Variants in XKR9 observed in about 807,000 individuals in gnomAD.
XKR9 encodes the protein XK related 9.
In XKR9, 32 loss-of-function variants were observed where a neutral mutation model predicts 32.0. That is an observed-to-expected ratio of 1.00 (90% CI 0.76 to 1.34). XKR9 has a LOEUF of 1.34. XKR9 is among the 40% of genes most tolerant of loss of function. The pLI, the probability that XKR9 is intolerant of heterozygous loss-of-function variation, is 0.00. For synonymous variants in XKR9, 168 were observed against 143.4 expected, an observed-to-expected ratio of 1.17 and a Z score of -1.22; for missense variants, 546 against 429.7, an observed-to-expected ratio of 1.27 and a Z score of -2.39.
the XKR9 span, among the ~76,000 whole-genome samples, chr8:70,935,886 CA>C: frequency 3.9e-5 from 6 of 151,986 alleles, no homozygotes; most frequent in African/African-American, 1.4e-4. Flanking sequence ...CCCCATGTTC[CA>C]AATTACATTT....
chr8:71,064,447 A>G, the XKR9 span, among the ~76,000 whole-genome samples: 1 of 152,210 alleles, frequency 6.6e-6, no homozygotes, highest in African/African-American at 2.4e-5. Context: ...ATCATTGTCA[A>G]CAGACAATAG....
the XKR9 span, among the ~76,000 whole-genome samples, chr8:70,966,611 G>A: frequency 1.3e-5 from 2 of 152,164 alleles, no homozygotes; most frequent in African/African-American, 2.4e-5. Context: ...TTTGGGTGGA[G>A]ATTTTTGTAG....
intron 2 of XKR9, among the ~76,000 whole-genome samples, chr8:70,755,609 G>A (rs1387300408): frequency 6.6e-6 from 1 of 151,966 alleles, no homozygotes; most frequent in Non-Finnish European, 1.5e-5. Context: ...GTCCTTTGTA[G>A]GGACATGGAT....
At chr8:70,715,654 A>T (rs1355347107) in intron 4 of XKR9, among the ~76,000 whole-genome samples, 1 of 152,176 alleles carries the variant, frequency 6.6e-6, no homozygotes, top group Admixed American at 6.5e-5. Flanking sequence ...AATAGCTCAC[A>T]TCAAGCACAT....
chr8:70,991,058 AT>A, the XKR9 span, among the ~76,000 whole-genome samples: 2 of 152,058 alleles, frequency 1.3e-5, no homozygotes, highest in Admixed American at 6.5e-5. Context: ...AGTGATCCTT[AT>A]TTTCCCCCAA....
chr8:70,789,880 G>A (rs534893932), intron 3 of XKR9, among the ~76,000 whole-genome samples: 2 of 152,042 alleles, frequency 1.3e-5, no homozygotes, highest in African/African-American at 4.8e-5. Flanking sequence ...CAATGCCAAT[G>A]CCAATCATAC....
At chr8:70,881,523 A>C in the XKR9 span, among the ~76,000 whole-genome samples, 1 of 152,230 alleles carries the variant, frequency 6.6e-6, no homozygotes, top group South Asian at 2.1e-4. Context: ...AATGCTCATC[A>C]TCACTTGTCA....
intron 2 of XKR9, among the ~76,000 whole-genome samples, chr8:70,761,965 C>G (rs1807315356): frequency 6.6e-6 from 1 of 151,980 alleles, no homozygotes; most frequent in African/African-American, 2.4e-5. Context: ...ATCCTTTCCC[C>G]TTTGCTTGTT....
chr8:70,820,597 G>A, the XKR9 span, among the ~76,000 whole-genome samples: 1 of 152,168 alleles, frequency 6.6e-6, no homozygotes, highest in East Asian at 1.9e-4. Context: ...TGTTTGGAAA[G>A]GAAAGAGGTT....
At chr8:71,053,505 A>T in the XKR9 span, among the ~76,000 whole-genome samples, 1 of 152,258 alleles carries the variant, frequency 6.6e-6, no homozygotes, top group African/African-American at 2.4e-5. Flanking sequence ...AGAAGATCAT[A>T]TAAATGCCGC....
chr8:70,737,117 A>G (rs948632716), downstream of XKR9, among the ~76,000 whole-genome samples: 11 of 149,976 alleles, frequency 7.3e-5, no homozygotes, highest in Non-Finnish European at 1.2e-4. Context: ...ATGTTCTTCC[A>G]TTTGTTTGTA....
At chr8:70,729,178 C>T (rs1049970281) in intron 4 of XKR9, among the ~76,000 whole-genome samples, 1 of 152,068 alleles carries the variant, frequency 6.6e-6, no homozygotes, top group Non-Finnish European at 1.5e-5. Context: ...CAAAAGAAAA[C>T]AGATTCTTAT....
At chr8:70,927,382 C>T in the XKR9 span, among the ~76,000 whole-genome samples, 3 of 152,064 alleles carry the variant, frequency 2.0e-5, no homozygotes, top group Non-Finnish European at 4.4e-5. Flanking sequence ...CTTGTCTCTA[C>T]CTGTTTTAGT....
intron 2 of XKR9, among the ~76,000 whole-genome samples, chr8:70,744,293 A>G (rs1335496837): frequency 6.8e-6 from 1 of 146,290 alleles, no homozygotes; most frequent in Admixed American, 6.9e-5. Context: ...CCTGGGTGAC[A>G]GAGCGAGACT....
At chr8:70,747,360 G>A (rs900983829) in intron 2 of XKR9, among the ~76,000 whole-genome samples, 1 of 152,214 alleles carries the variant, frequency 6.6e-6, no homozygotes, top group Non-Finnish European at 1.5e-5. Context: ...ATTGGGTCAT[G>A]AATGCATTGC....
At chr8:70,899,403 T>G in the XKR9 span, among the ~76,000 whole-genome samples, 1 of 151,912 alleles carries the variant, frequency 6.6e-6, no homozygotes, top group Non-Finnish European at 1.5e-5. Context: ...TGGGATCCCT[T>G]TTTCCAATCC....
intron 3 of XKR9, among the ~76,000 whole-genome samples, chr8:70,700,395 C>T (rs1436685993): frequency 6.6e-6 from 1 of 152,200 alleles, no homozygotes; most frequent in Admixed American, 6.5e-5. Context: ...AGTTTTCCTT[C>T]TGACAGACAG....
chr8:70,893,031 T>C, the XKR9 span, among the ~76,000 whole-genome samples: 2 of 152,150 alleles, frequency 1.3e-5, no homozygotes, highest in African/African-American at 4.8e-5. Flanking sequence ...TCATGTTTTT[T>C]TCATTCTTAT....
the XKR9 span, among the ~76,000 whole-genome samples, chr8:70,874,231 G>A: frequency 2.0e-5 from 3 of 152,004 alleles, no homozygotes; most frequent in Non-Finnish European, 2.9e-5. Flanking sequence ...CATTGAACCT[G>A]CAATATCTCT....
Sources: allele counts gnomAD v4.1 joint callset (sites outside exome capture counted in the v4.1 genomes callset), GRCh38; gene constraint gnomAD v4.1.1; transcripts MANE v1.5; gene names NCBI Gene and HGNC (gene_info 2026-07-23, HGNC 2026-07-21).